SUCLG2: variants seen among roughly 807,000 people sequenced by gnomAD.
The protein encoded by SUCLG2 is succinate--CoA ligase [GDP-forming] subunit beta, mitochondrial.
SUCLG2 carries 42 observed loss-of-function variants against 47.9 expected under a neutral mutation model. The ratio of observed to expected loss-of-function variants is 0.88; its 90% CI spans 0.69 to 1.14. The LOEUF (loss-of-function observed/expected upper bound fraction) is 1.14. Ranked by LOEUF, SUCLG2 falls within the 50% of genes most tolerant of loss-of-function variation. SUCLG2 has a pLI of 0.00. For synonymous variants in SUCLG2, 195 were observed against 197.3 expected, an observed-to-expected ratio of 0.99 and a Z score of 0.10; for missense variants, 571 against 525.9, an observed-to-expected ratio of 1.09 and a Z score of -0.84.
chr3:67,502,342 G>A (rs1705517207), intron 7 of SUCLG2, among the ~76,000 whole-genome samples: 1 of 152,162 alleles, frequency 6.6e-6, no homozygotes, highest in Admixed American at 6.5e-5. Context: ...TATCTACAAT[G>A]TTGTGCCATC....
At chr3:67,540,398 G>A (rs72924913) in intron 2 of SUCLG2, among the ~76,000 whole-genome samples, 11,828 of 152,018 alleles carry the variant, frequency 0.078, 551 homozygotes, top group East Asian at 0.17. Flanking sequence ...TGAGTAGGTG[G>A]TTTTCCCCTA....
At chr3:67,526,784 T>C (rs1575755725) in intron 4 of SUCLG2, among the ~76,000 whole-genome samples, 2 of 152,208 alleles carry the variant, frequency 1.3e-5, no homozygotes, top group East Asian at 3.9e-4. Context: ...AAAACATTCA[T>C]CAGTTTCTTA....
intron 9 of SUCLG2, among the ~76,000 whole-genome samples, chr3:67,427,851 G>C (rs1703347207): frequency 6.6e-6 from 1 of 152,324 alleles, no homozygotes; most frequent in Non-Finnish European, 1.5e-5. Flanking sequence ...CACAACCATG[G>C]AGCCTCACTC....
intron 10 of SUCLG2, among the ~76,000 whole-genome samples, chr3:67,367,529 A>C (rs1196537549): frequency 1.3e-5 from 2 of 152,118 alleles, no homozygotes; most frequent in African/African-American, 4.8e-5. Context: ...TACTATAGTA[A>C]ATTAATACAT....
chr3:67,547,505 A>C (rs1706897429), intron 2 of SUCLG2, among the ~76,000 whole-genome samples: 1 of 152,166 alleles, frequency 6.6e-6, no homozygotes, highest in Non-Finnish European at 1.5e-5. Flanking sequence ...CCTTAAATCC[A>C]GCTGCAGCCT....
chr3:67,401,595 A>AAAAAAT (rs1409098244), intron 9 of SUCLG2, among the ~76,000 whole-genome samples: 1 of 149,832 alleles, frequency 6.7e-6, no homozygotes, highest in Admixed American at 6.7e-5. Context: ...AAAAAAACAA[A>AAAAAAT]CTCTACTTGT....
At chr3:67,567,126 G>A (rs1353587140) in intron 2 of SUCLG2, among the ~76,000 whole-genome samples, 3 of 151,902 alleles carry the variant, frequency 2.0e-5, no homozygotes, top group African/African-American at 7.3e-5. Flanking sequence ...AGAAGTTGTA[G>A]TGCGCCAAGA....
At chr3:67,399,112 G>C (rs1702623782) in intron 10 of SUCLG2, among the ~76,000 whole-genome samples, 1 of 150,994 alleles carries the variant, frequency 6.6e-6, no homozygotes, top group South Asian at 2.1e-4. Context: ...CATGGCACAT[G>C]TATACATAGG....
At chr3:67,593,915 C>G (rs1213402809) in intron 2 of SUCLG2, among the ~76,000 whole-genome samples, 1 of 152,174 alleles carries the variant, frequency 6.6e-6, no homozygotes, top group Non-Finnish European at 1.5e-5. Flanking sequence ...AGGCCCTGAC[C>G]CCTTGTCTTT....
rs76467373 is a variant in SUCLG2, at chr3:67,369,500, G to A, written c.1184-8732C>T. Among the ~76,000 whole-genome samples, 599 of 152,316 alleles carry A rather than the reference G, an allele frequency of 3.9e-3. 1 individual carries two copies. The highest frequency in any genetic ancestry group is 0.014 in the African/African-American group (575 of 41,580). On this transcript the variant is annotated intron_variant, in intron 10 of 10. Transcript: ENST00000493112. ...AGATCAGTTGTCTACCTCCCTGAGAGCTGGGAAGTGCATATGCAATACTTT... is the reference window on the plus strand; with the variant it reads ...AGATCAGTTGTCTACCTCCCTGAGAACTGGGAAGTGCATATGCAATACTTT...
chr3:67,521,249 A>T (rs1474445005), intron 4 of SUCLG2, among the ~76,000 whole-genome samples: 1 of 152,050 alleles, frequency 6.6e-6, no homozygotes, highest in African/African-American at 2.4e-5. Flanking sequence ...CCTCAAATAA[A>T]CCCTCGGGCC....
At chr3:67,626,819 C>T (rs1340889907) in intron 1 of SUCLG2, among the ~76,000 whole-genome samples, 2 of 141,508 alleles carry the variant, frequency 1.4e-5, no homozygotes, top group Non-Finnish European at 3.0e-5. Context: ...GAGGCTGAGG[C>T]AGAAGAATGG....
intron 1 of SUCLG2, among the ~76,000 whole-genome samples, chr3:67,623,219 G>T (rs553416818): frequency 6.6e-6 from 1 of 152,150 alleles, no homozygotes; most frequent in Admixed American, 6.5e-5. Flanking sequence ...AACAAATTGC[G>T]GCTGGGCGTG....
chr3:67,566,912 T>C (rs1027144646), intron 2 of SUCLG2, among the ~76,000 whole-genome samples: 1 of 152,194 alleles, frequency 6.6e-6, no homozygotes, highest in Non-Finnish European at 1.5e-5. Context: ...AGACTGGGCA[T>C]GGTGGCACAC....
At chr3:67,399,073 A>C (rs1702622324) in intron 10 of SUCLG2, among the ~76,000 whole-genome samples, 2 of 150,244 alleles carry the variant, frequency 1.3e-5, no homozygotes, top group South Asian at 2.1e-4. Context: ...CTAATGCTAA[A>C]TGACGAGTTA....
chr3:67,506,763 T>C (rs1705649173), intron 7 of SUCLG2, among the ~76,000 whole-genome samples: 1 of 152,232 alleles, frequency 6.6e-6, no homozygotes, highest in Admixed American at 6.5e-5. Context: ...TTAAGAACTT[T>C]TGTTAAACCT....
chr3:67,651,243 C>G (rs762203127), intron 1 of SUCLG2, among the ~76,000 whole-genome samples: 1 of 152,144 alleles, frequency 6.6e-6, no homozygotes, highest in African/African-American at 2.4e-5. Context: ...ATGGTTTAAA[C>G]CCCTGAAACC....
chr3:67,536,485 A>C (rs1412899375), intron 2 of SUCLG2, among the ~76,000 whole-genome samples: 1 of 152,168 alleles, frequency 6.6e-6, no homozygotes. Context: ...CACTGCCATC[A>C]TTCACTGCCT....
chr3:67,642,075 T>C (rs1701111056), intron 1 of SUCLG2, among the ~76,000 whole-genome samples: 1 of 152,230 alleles, frequency 6.6e-6, no homozygotes, highest in Non-Finnish European at 1.5e-5. Context: ...TCTTACCTTC[T>C]ATCTCCTTTA....
Sources: allele counts gnomAD v4.1 joint callset (sites outside exome capture counted in the v4.1 genomes callset), GRCh38; gene constraint gnomAD v4.1.1; transcripts MANE v1.5; gene names NCBI Gene and HGNC (gene_info 2026-07-23, HGNC 2026-07-21).